The following SERPINB8 variants were observed in gnomAD, a reference collection of about 807,000 sequenced individuals.
The protein encoded by SERPINB8 is serpin B8.
SERPINB8 carries 25 observed loss-of-function variants against 35.3 expected under a neutral mutation model. The observed-to-expected ratio is 0.71, with a 90% CI of 0.52 to 0.99. The LOEUF is 0.99. Ranked by LOEUF, SERPINB8 falls within the 50% of genes least tolerant of loss-of-function variation. The pLI is 0.00. For missense variants in SERPINB8, 484 were observed against 446.5 expected (o/e 1.08, Z -0.76); for synonymous variants, 186 against 160.8 (o/e 1.16, Z -1.19).
chr18:64,001,953 A>G (rs1478547454), intron 1 of SERPINB8, among the ~76,000 whole-genome samples: 1 of 152,088 alleles, frequency 6.6e-6, no homozygotes, highest in Non-Finnish European at 1.5e-5. Context: ...CTTCCTCTGG[A>G]CATCTTGTCC....
downstream of SERPINB8, among the ~76,000 whole-genome samples, chr18:64,008,621 CA>C: frequency 6.6e-6 from 1 of 151,992 alleles, no homozygotes; most frequent in South Asian, 2.1e-4. Context: ...ATTTGAATAA[CA>C]AAACAAAACC....
In SERPINB8 at chr18:63,987,118, A is replaced by G. The variant is rs746293721; in HGVS notation, c.965A>G (p.Asn322Ser). 18 of 1,614,180 alleles carry G rather than the reference A, an allele frequency of 1.1e-5. No homozygotes were observed. The South Asian group carries it at 1.2e-4, about 11-fold the overall frequency. ...GCCCACAAGTGCTTCGTGGAGGTCA[A>G]TGAGGAAGGCACAGAGGCTGCCGCA... ...KVAHKCFVEV[N>S]EEGTEAAAAT... Residue 322 changes from asparagine (N) to serine (S), a missense_variant, in exon 7 of 7, where the codon AAT becomes AGT. Asn to Ser is a conservative substitution (Grantham distance 46). Coordinates refer to ENST00000397985, the MANE Select transcript of SERPINB8 (RefSeq NM_002640.4).
chr18:63,975,891 G>C (rs1256768686), intron 1 of SERPINB8, among the ~76,000 whole-genome samples: 1 of 152,120 alleles, frequency 6.6e-6, no homozygotes, highest in African/African-American at 2.4e-5. Context: ...TGTGCTCTAA[G>C]AGACCCAGAA....
At chr18:64,004,284 A>G (rs182921873) in intron 1 of SERPINB8, among the ~76,000 whole-genome samples, 1 of 152,306 alleles carries the variant, frequency 6.6e-6, no homozygotes, top group Non-Finnish European at 1.5e-5. Context: ...CCTGGCACTC[A>G]GTATTTGCTT....
At chr18:63,981,674 G>T in intron 3 of SERPINB8, 47 bp from the exon 4 acceptor site, 2 of 1,301,250 alleles carry the variant, frequency 1.5e-6, no homozygotes, top group South Asian at 1.2e-5. Flanking sequence ...TTGCATTTGT[G>T]GGAACCTTTA....
chr18:63,982,877 C>T (rs536031267), intron 4 of SERPINB8, among the ~76,000 whole-genome samples: 26 of 152,132 alleles, frequency 1.7e-4, no homozygotes, highest in African/African-American at 6.3e-4. Context: ...TCTCATTGGA[C>T]AACTCAATTT....
intron 4 of SERPINB8, among the ~76,000 whole-genome samples, chr18:63,982,055 T>C (rs1019063408): frequency 2.0e-5 from 3 of 152,134 alleles, no homozygotes; most frequent in African/African-American, 7.2e-5. Flanking sequence ...TCTGACCTCC[T>C]CCCCTGTGGA....
At chr18:63,972,077 G>A (rs28374149) in intron 1 of SERPINB8, among the ~76,000 whole-genome samples, 32,575 of 151,272 alleles carry the variant, frequency 0.22, 3,777 homozygotes, top group Middle Eastern at 0.29. Flanking sequence ...AATGTGTATT[G>A]AATTATAAAG....
In SERPINB8 at chr18:63,987,230, C is replaced by T. The variant is rs1451125464; in HGVS notation, c.1077C>T (p.His359=). 1.5e-5 allele frequency: 25 copies of T among 1,613,968 alleles called. No individual in the cohort carries two copies. The East Asian group carries it at 1.8e-4, about 12-fold the overall frequency. Reference sequence around the variant, plus strand: ...ACCCTTTTCTTTTCTTCATCAGGCACCACAAAACCAACTGCATCTTGTTCT... The same window carrying T: ...ACCCTTTTCTTTTCTTCATCAGGCATCACAAAACCAACTGCATCTTGTTCT... The part of the protein sequence containing the change: ...ADHPFLFFIR[H]HKTNCILFCG... Residue 359 remains histidine (H), a synonymous_variant, in exon 7 of 7, where the codon CAC becomes CAT. Transcript: ENST00000397985.
chr18:63,974,320 A>T (rs956964243), intron 1 of SERPINB8, among the ~76,000 whole-genome samples: 1 of 152,226 alleles, frequency 6.6e-6, no homozygotes, highest in Non-Finnish European at 1.5e-5. Flanking sequence ...CTCCCAAAAC[A>T]GGTAGTGAAC....
intron 1 of SERPINB8, among the ~76,000 whole-genome samples, chr18:63,972,674 T>G (rs181704306): frequency 0.02 from 2,902 of 144,976 alleles, 42 homozygotes; most frequent in Non-Finnish European, 0.03. Context: ...GGTGTGTGAT[T>G]TTCCCCACCC....
chr18:63,983,575 A>T lies in SERPINB8; in HGVS notation c.425-4A>T, dbSNP rs754448185. On this transcript the variant is annotated splice_polypyrimidine_tract_variant and splice_region_variant and intron_variant, in intron 4 of 6. Transcript: ENST00000397985. ...ATTGCAATAAACTCTCATATTCTTT[A>T]TAGGTAAGATTTCAGAGGTACTGGA... 1 of 1,613,156 alleles carries T rather than the reference A, an allele frequency of 6.2e-7. No individual in the cohort carries two copies. Among genetic ancestry groups the T allele is most frequent in the South Asian group, 1.1e-5 (1 of 91,010 alleles).
At position 63,970,139 on chromosome 18, in the gene SERPINB8, G is replaced by A. The variant is rs756216041; in HGVS notation, c.-42G>A. The A allele has an allele frequency of 8.2e-6, 3 of 365,914 alleles. No homozygotes were observed. Among genetic ancestry groups the A allele is most frequent in the Admixed American group, 3.3e-5 (1 of 30,596 alleles). 22.7% of individuals were successfully genotyped at this position (365,914 alleles called of 1,614,324 possible). A position where few individuals can be genotyped will look rare whatever the true frequency, so the allele number is the denominator to read the frequency against. The stretch of plus-strand genomic sequence containing the variant: ...GAATAGTCAAAGCAGCAGCGGCGGC[G>A]GCGGCGGCGGCAGCAGCAGCAGCAG... On this transcript the variant is annotated 5_prime_UTR_variant, in exon 1 of 7. Coordinates refer to ENST00000397985, the MANE Select transcript of SERPINB8 (RefSeq NM_002640.4).
downstream of SERPINB8, among the ~76,000 whole-genome samples, chr18:64,008,252 T>C (rs954663280): frequency 6.6e-6 from 1 of 152,128 alleles, no homozygotes; most frequent in Admixed American, 6.5e-5. Context: ...AGTACCTTTT[T>C]ATTTTTTTGA....
At chr18:63,980,343 C>T (rs1249041069) in intron 3 of SERPINB8, among the ~76,000 whole-genome samples, 1 of 152,188 alleles carries the variant, frequency 6.6e-6, no homozygotes, top group Non-Finnish European at 1.5e-5. Context: ...ACACAATCGT[C>T]TTTCTAAAAT....
chr18:63,997,435 G>A (rs899970707), intron 1 of SERPINB8, among the ~76,000 whole-genome samples: 1 of 152,190 alleles, frequency 6.6e-6, no homozygotes, highest in East Asian at 1.9e-4. Flanking sequence ...TCCCAGGCAT[G>A]TCGTCCAATG....
intron 3 of SERPINB8, among the ~76,000 whole-genome samples, chr18:63,980,847 G>A (rs1240738743): frequency 6.6e-6 from 1 of 152,234 alleles, no homozygotes; most frequent in Non-Finnish European, 1.5e-5. Flanking sequence ...ATGGACAGAG[G>A]CTGGGAGCCA....
At chr18:63,996,705 G>A (rs769447965) in intron 1 of SERPINB8, among the ~76,000 whole-genome samples, 3 of 152,184 alleles carry the variant, frequency 2.0e-5, no homozygotes, top group East Asian at 1.9e-4. Context: ...TGACTTTCAC[G>A]CAGCAACCCA....
chr18:63,989,811 T>C (rs976670479), downstream of SERPINB8, among the ~76,000 whole-genome samples: 1,633 of 150,232 alleles, frequency 0.011, 28 homozygotes, highest in African/African-American at 0.037. Flanking sequence ...GGCGTAGTGG[T>C]GGGCGCCTGT....
Sources: allele counts gnomAD v4.1 joint callset (sites outside exome capture counted in the v4.1 genomes callset), GRCh38; gene constraint gnomAD v4.1.1; transcripts MANE v1.5; gene names NCBI Gene and HGNC (gene_info 2026-07-23, HGNC 2026-07-21).